CYP26C1: variants seen among roughly 807,000 people sequenced by gnomAD.
CYP26C1 encodes cytochrome P450 26C1.
In CYP26C1, 41 loss-of-function variants were observed where a neutral mutation model predicts 39.1. The ratio of observed to expected loss-of-function variants is 1.05; its 90% CI spans 0.82 to 1.36. CYP26C1 has a LOEUF of 1.36. CYP26C1 is among the 40% of genes most tolerant of loss of function. CYP26C1 has a pLI of 0.00. For missense variants in CYP26C1, 833 were observed against 752.0 expected, an observed-to-expected ratio of 1.11 and a Z score of -1.26; for synonymous variants, 362 against 350.8, an observed-to-expected ratio of 1.03 and a Z score of -0.36.
In CYP26C1 at chr10:93,062,145, C is replaced by G. The variant is rs1482926711; in HGVS notation, c.340C>G (p.Arg114Gly). The change falls in exon 2 of 6, where the codon CGC becomes GGC. Residue 114 changes from arginine (R) to glycine (G), a missense_variant. Coordinates refer to ENST00000651965, the MANE Select transcript of CYP26C1 (RefSeq NM_183374.3). ...TILLGEHRLV[R>G]SQWPQSAHIL... is the part of the protein sequence containing the mutation. ...CCTGCTGGGCGAGCACCGCCTGGTG[C>G]GCAGCCAGTGGCCGCAGAGTGCGCA... 7.9e-5 allele frequency: 122 copies of G among 1,543,930 alleles called. No individual in the cohort carries two copies. The highest frequency in any genetic ancestry group is 1.0e-4 in the Non-Finnish European group (117 of 1,147,320).
At chr10:93,064,823 T>G in intron 4 of CYP26C1, 2 of 1,103,294 alleles carry the variant, frequency 1.8e-6, no homozygotes, top group Non-Finnish European at 2.2e-6. Context: ...TCTCCTTTCC[T>G]TCCCCCACTG....
intron 3 of CYP26C1, 80 bp from the exon 4 acceptor site, chr10:93,064,301 G>T: frequency 6.6e-7 from 1 of 1,505,022 alleles, no homozygotes. Context: ...AGCCAGTGCT[G>T]AGAAGGTTTT....
At chr10:93,061,629 CGTT>C (rs576446832) in intron 1 of CYP26C1, among the ~76,000 whole-genome samples, 162 bp downstream of exon 1, 1 of 3,036 alleles carries the variant, frequency 3.3e-4, no homozygotes, top group South Asian at 0.026. Context: ...CTAGATACTC[CGTT>C]CCCTCGAAGG....
In CYP26C1 at chr10:93,068,343, G is replaced by A; in HGVS notation, c.1215G>A (p.Trp405Ter). Residue 405 changes from tryptophan to a stop codon, truncating the protein, a stop_gained, in exon 6 of 6, where the codon TGG (tryptophan) becomes TGA (stop). Coordinates refer to ENST00000651965, the MANE Select transcript of CYP26C1 (RefSeq NM_183374.3). LOFTEE classifies it high-confidence loss of function. ...AGGGCTACCAGATCCCCAAGGGCTG[G>A]AGCGTGATGTATAGCATCCGGGACA... Reference protein sequence around the residue: ...ELDGYQIPKGWSVMYSIRDTH... With the variant: ...ELDGYQIPKG 6.5e-7 allele frequency: 1 copy of A among 1,537,824 alleles called. No individual in the cohort carries two copies. Among genetic ancestry groups the A allele is most frequent in the Non-Finnish European group, 8.7e-7 (1 of 1,144,812 alleles).
chr10:93,066,400 G>T, intron 5 of CYP26C1, 115 bp downstream of exon 5: 2 of 1,056,522 alleles, frequency 1.9e-6, no homozygotes, highest in Non-Finnish European at 2.4e-6. Flanking sequence ...GGATTCGGAC[G>T]GCGCGGTCAC....
intron 4 of CYP26C1, chr10:93,064,740 C>G: frequency 7.7e-7 from 1 of 1,296,328 alleles, no homozygotes; most frequent in Non-Finnish European, 9.8e-7. Flanking sequence ...CTCCAGCCAG[C>G]CTTGTCAGTA....
rs1019234172 is a variant in CYP26C1, at chr10:93,062,741, C to A, written c.451C>A (p.Arg151Ser). 6.9e-7 allele frequency: 1 copy of A among 1,440,454 alleles called. No homozygotes were observed. Among genetic ancestry groups the A allele is most frequent in the Non-Finnish European group, 9.0e-7 (1 of 1,108,126 alleles). The allele number at this position is 1,440,454 out of a possible 1,614,324, so 89.2% of individuals were successfully genotyped here. ...ACAGGTCCTGGCGCGCGTGTTCAGC[C>A]GCGCCGCGCTGGAGCGCTACGTGCC... Reference protein sequence around the residue: ...RRKVLARVFSRAALERYVPRL... With the variant: ...RRKVLARVFSSAALERYVPRL... Residue 151 changes from arginine (R) to serine (S), a missense_variant, in exon 3 of 6, where the codon CGC becomes AGC. Coordinates refer to ENST00000651965, the MANE Select transcript of CYP26C1 (RefSeq NM_183374.3).
At chr10:93,065,187 A>G (rs1362712451) in intron 4 of CYP26C1, among the ~76,000 whole-genome samples, 1 of 152,062 alleles carries the variant, frequency 6.6e-6, no homozygotes, top group Non-Finnish European at 1.5e-5. Context: ...AAATAGGGAG[A>G]CCTCAATCTT....
chr10:93,064,169 G>A, intron 3 of CYP26C1: 2 of 1,341,166 alleles, frequency 1.5e-6, no homozygotes, highest in South Asian at 1.7e-5. Flanking sequence ...GAGGGGGATT[G>A]TGATAATCAA....
Position 93,066,187 on chromosome 10 carries a change from C to T in CYP26C1, c.1093C>T (p.Arg365Cys). 1 of 1,465,062 alleles carries T rather than the reference C, an allele frequency of 6.8e-7. No individual in the cohort carries two copies. Among genetic ancestry groups the T allele is most frequent in the Non-Finnish European group, 9.0e-7 (1 of 1,109,930 alleles). 90.8% of individuals were successfully genotyped at this position (1,465,062 alleles called of 1,614,324 possible). Residue 365 changes from arginine to cysteine, a missense_variant, in exon 5 of 6, where the codon CGT becomes TGT. By Grantham distance (180) the Arg-to-Cys change is radical (BLOSUM62 -3). Coordinates refer to ENST00000651965, the MANE Select transcript of CYP26C1 (RefSeq NM_183374.3). ...EPDLSLAALG[R>C]LRYVDCVVKE... is the part of the protein sequence containing the mutation. The stretch of plus-strand genomic sequence containing the variant: ...CGACCTCAGCCTCGCGGCGCTGGGC[C>T]GTCTGCGCTACGTCGACTGCGTGGT...
intron 4 of CYP26C1, among the ~76,000 whole-genome samples, chr10:93,065,674 G>C (rs1440245752): frequency 6.6e-6 from 1 of 152,226 alleles, no homozygotes; most frequent in Non-Finnish European, 1.5e-5. Context: ...ACCAAGAAGA[G>C]TGCTTAGAGT....
In CYP26C1 at chr10:93,062,169, C is replaced by T. The variant is rs1346860154; in HGVS notation, c.364C>T (p.His122Tyr). ...GCGCAGCCAGTGGCCGCAGAGTGCG[C>T]ACATCCTGCTGGGCTCGCACACACT... Reference protein sequence around the residue: ...LVRSQWPQSAHILLGSHTLLG... With the variant: ...LVRSQWPQSAYILLGSHTLLG... The change falls in exon 2 of 6, where the codon CAC becomes TAC. Residue 122 changes from histidine (H) to tyrosine (Y), a missense_variant. By Grantham distance (83) the His-to-Tyr change is moderately conservative. Transcript: ENST00000651965. 1.3e-6 allele frequency: 2 copies of T among 1,538,868 alleles called. No homozygotes were observed. Among genetic ancestry groups the T allele is most frequent in the African/African-American group, 2.7e-5 (2 of 73,040 alleles).
intron 3 of CYP26C1, chr10:93,064,074 C>T (rs1473386436): frequency 1.7e-6 from 2 of 1,163,884 alleles, no homozygotes; most frequent in Non-Finnish European, 2.1e-6. Flanking sequence ...TGGACATGGA[C>T]AGCTGTGTGA....
intron 5 of CYP26C1, 141 bp from the exon 6 acceptor site, chr10:93,068,179 C>A: frequency 9.5e-7 from 1 of 1,050,132 alleles, no homozygotes. Context: ...GAACACAGAG[C>A]TTTCTCCTGG....
chr10:93,062,320 G>T, intron 2 of CYP26C1, 86 bp downstream of exon 2: 1 of 1,378,484 alleles, frequency 7.3e-7, no homozygotes, highest in Non-Finnish European at 9.6e-7. Context: ...CCCCGGTGTT[G>T]GATACACTGT....
Position 93,065,629 on chromosome 10 carries a change from G to A in CYP26C1, c.862-327G>A, listed in dbSNP as rs118003307. Among the ~76,000 whole-genome samples, 917 of 152,350 alleles carry A rather than the reference G, an allele frequency of 6.0e-3. 13 individuals carry two copies. Among genetic ancestry groups the A allele is most frequent in the Middle Eastern group, 0.027 (8 of 294 alleles). ...AGCAGCAATTGTGCCTCACAGAGGG[G>A]AGGTGAGAACCGAATGAGTGAATAT... On this transcript the variant is annotated intron_variant, in intron 4 of 5. Coordinates refer to ENST00000651965, the MANE Select transcript of CYP26C1 (RefSeq NM_183374.3).
chr10:93,065,377 G>A (rs192495654), intron 4 of CYP26C1, among the ~76,000 whole-genome samples: 1 of 152,348 alleles, frequency 6.6e-6, no homozygotes, highest in East Asian at 1.9e-4. Context: ...GACTCCCTGG[G>A]ACCATTCCGA....
rs771444850 is a variant in CYP26C1 at position 93,062,768 on chromosome 10, C to T, written c.478C>T (p.Arg160Cys). ...SRAALERYVP[R>C]LQGALRHEVR... ...CGCCGCGCTGGAGCGCTACGTGCCG[C>T]GCCTGCAGGGGGCGCTGCGGCATGA... is the stretch of plus-strand genomic sequence containing the variant. The change falls in exon 3 of 6, where the codon CGC (arginine) becomes TGC (cysteine). Residue 160 changes from arginine (R) to cysteine (C), a missense_variant. Arg to Cys is a radical substitution (Grantham distance 180). Coordinates refer to ENST00000651965, the MANE Select transcript of CYP26C1 (RefSeq NM_183374.3). The T allele has an allele frequency of 1.7e-5, 26 of 1,510,706 alleles. No homozygotes were observed. The African/African-American group carries it at 3.1e-4, about 18-fold the overall frequency. The allele number at this position is 1,510,706 out of a possible 1,614,324, so 93.6% of individuals were successfully genotyped here. A position where few individuals can be genotyped will look rare whatever the true frequency, so the allele number is the denominator to read the frequency against.
At chr10:93,067,573 G>C (rs556190233) in intron 5 of CYP26C1, among the ~76,000 whole-genome samples, 1 of 152,272 alleles carries the variant, frequency 6.6e-6, no homozygotes, top group South Asian at 2.1e-4. Flanking sequence ...AGAGCTCCTG[G>C]GATGATTCCA....
Sources: gnomAD v4.1 joint callset for allele counts (sites outside exome capture counted in the v4.1 genomes callset) on GRCh38, gnomAD v4.1.1 for gene constraint, MANE v1.5 for transcripts, NCBI Gene and HGNC (gene_info 2026-07-23, HGNC 2026-07-21) for gene names.